MPPED2: variants seen among roughly 807,000 people sequenced by gnomAD.
MPPED2 encodes the protein metallophosphoesterase domain containing 2, also known as metallophosphoesterase MPPED2.
MPPED2 carries 5 observed loss-of-function variants against 33.0 expected under a neutral mutation model. The ratio of observed to expected loss-of-function variants is 0.15; its 90% confidence interval spans 0.08 to 0.32. The LOEUF is 0.32. MPPED2 is among the 10% of genes least tolerant of loss of function. MPPED2 has a pLI of 1.00. For missense variants in MPPED2, 275 were observed against 372.1 expected (o/e 0.74, Z 2.15); for synonymous variants, 136 against 141.9 (o/e 0.96, Z 0.29).
chr11:30,519,954 C>A (rs1953761006), intron 3 of MPPED2, among the ~76,000 whole-genome samples: 1 of 152,106 alleles, frequency 6.6e-6, no homozygotes, highest in Admixed American at 6.6e-5. Context: ...ACATTGTTCT[C>A]AACATTTTAC....
At chr11:30,571,773 A>T (rs1485718223) in intron 2 of MPPED2, among the ~76,000 whole-genome samples, 3 of 152,198 alleles carry the variant, frequency 2.0e-5, no homozygotes, top group Non-Finnish European at 4.4e-5. Flanking sequence ...TGCAGGATGC[A>T]GTAGATTTAG....
chr11:30,574,348 A>G (rs1472282565), intron 2 of MPPED2, among the ~76,000 whole-genome samples: 2 of 152,202 alleles, frequency 1.3e-5, no homozygotes, highest in Non-Finnish European at 2.9e-5. Flanking sequence ...GATGCTATAT[A>G]GGTTTGTAGA....
intron 2 of MPPED2, among the ~76,000 whole-genome samples, chr11:30,562,536 G>A (rs983290829): frequency 6.6e-6 from 1 of 152,180 alleles, no homozygotes; most frequent in Middle Eastern, 3.2e-3. Flanking sequence ...AAGCATTTCA[G>A]TAGAACTAAG....
At chr11:30,465,887 A>G (rs1192716844) in intron 4 of MPPED2, among the ~76,000 whole-genome samples, 5 of 152,200 alleles carry the variant, frequency 3.3e-5, no homozygotes, top group Non-Finnish European at 7.3e-5. Flanking sequence ...GGGGTCCTGC[A>G]ACCAATCCTC....
At chr11:30,512,125 C>T (rs747660420) in intron 3 of MPPED2, among the ~76,000 whole-genome samples, 5 of 152,296 alleles carry the variant, frequency 3.3e-5, no homozygotes, top group Middle Eastern at 3.4e-3. Flanking sequence ...GCAGTAGTAA[C>T]GGTGTCCTAT....
chr11:30,398,007 T>C (rs886777858), intron 6 of MPPED2, among the ~76,000 whole-genome samples: 1 of 152,142 alleles, frequency 6.6e-6, no homozygotes, highest in African/African-American at 2.4e-5. Flanking sequence ...CTTTGACCAA[T>C]TCATTTCTCC....
At chr11:30,389,865 C>T (rs574486682) in intron 6 of MPPED2, among the ~76,000 whole-genome samples, 14 of 152,248 alleles carry the variant, frequency 9.2e-5, no homozygotes, top group African/African-American at 2.9e-4. Flanking sequence ...TAACATAACA[C>T]AGCAATAATT....
intron 2 of MPPED2, among the ~76,000 whole-genome samples, chr11:30,551,359 T>C (rs1002003218): frequency 3.3e-5 from 5 of 152,188 alleles, no homozygotes; most frequent in African/African-American, 7.2e-5. Flanking sequence ...TAGTCAGAGA[T>C]GCTATAAATC....
At chr11:30,472,410 A>G (rs564180804) in intron 4 of MPPED2, among the ~76,000 whole-genome samples, 1 of 152,234 alleles carries the variant, frequency 6.6e-6, no homozygotes, top group East Asian at 1.9e-4. Flanking sequence ...AAGGGAGAAG[A>G]GGACCTTAGT....
intron 3 of MPPED2, chr11:30,501,646 G>A (rs1952568047): frequency 1.0e-6 from 1 of 977,170 alleles, no homozygotes; most frequent in African/African-American, 1.8e-5. Flanking sequence ...TCTCTCAAGA[G>A]TGACTACTCA....
chr11:30,539,143 A>G (rs963477402), intron 2 of MPPED2, among the ~76,000 whole-genome samples: 1 of 152,186 alleles, frequency 6.6e-6, no homozygotes, highest in Non-Finnish European at 1.5e-5. Context: ...AAACACCTGG[A>G]AAAGTCAAGA....
At chr11:30,551,050 T>A (rs188680849) in intron 2 of MPPED2, among the ~76,000 whole-genome samples, 37 of 152,358 alleles carry the variant, frequency 2.4e-4, no homozygotes, top group African/African-American at 8.2e-4. Context: ...ATTCTCATCT[T>A]ATCAGTAAAA....
At chr11:30,390,777 G>C (rs966553634) in intron 6 of MPPED2, among the ~76,000 whole-genome samples, 1 of 152,196 alleles carries the variant, frequency 6.6e-6, no homozygotes, top group Admixed American at 6.5e-5. Flanking sequence ...GGTTAGCTGG[G>C]CCCAAAGGTT....
At chr11:30,494,737 C>CAAAAAAAAAAA (rs767500886) in intron 4 of MPPED2, among the ~76,000 whole-genome samples, 7 of 47,600 alleles carry the variant, frequency 1.5e-4, no homozygotes, top group Non-Finnish European at 2.4e-4. Context: ...TACTCCACCT[C>CAAAAAAAAAAA]AAAAAAAAAA....
chr11:30,458,680 T>G (rs1950382871), intron 4 of MPPED2, among the ~76,000 whole-genome samples: 2 of 152,132 alleles, frequency 1.3e-5, no homozygotes. Flanking sequence ...TTAGTAGGCA[T>G]AAAAATCACC....
chr11:30,407,037 T>A (rs1948001305), downstream of MPPED2, among the ~76,000 whole-genome samples: 1 of 152,140 alleles, frequency 6.6e-6, no homozygotes, highest in African/African-American at 2.4e-5. Flanking sequence ...ACAGCAAGTG[T>A]TTTATCTGCA....
exon 7 of MPPED2, chr11:30,386,887 A>C (rs947244900): frequency 5.0e-6 from 2 of 397,624 alleles, no homozygotes; most frequent in Non-Finnish European, 8.9e-6. Context: ...GCCAACACTT[A>C]TTAAGCATCT....
At chr11:30,423,961 C>T (rs937550627) in intron 4 of MPPED2, among the ~76,000 whole-genome samples, 3 of 152,160 alleles carry the variant, frequency 2.0e-5, no homozygotes, top group African/African-American at 7.2e-5. Context: ...AGCCTGATTT[C>T]CTCTGGCTGA....
chr11:30,465,292 G>GT (rs1255783227), intron 4 of MPPED2, among the ~76,000 whole-genome samples: 5 of 152,058 alleles, frequency 3.3e-5, no homozygotes, highest in East Asian at 1.9e-4. Context: ...GTTTTTGTGT[G>GT]TTTTTTTTCT....
Sources: gnomAD v4.1 joint callset for allele counts (sites outside exome capture counted in the v4.1 genomes callset) on GRCh38, gnomAD v4.1.1 for gene constraint, MANE v1.5 for transcripts, NCBI Gene and HGNC (gene_info 2026-07-23, HGNC 2026-07-21) for gene names.